CPLANE1: variants seen among roughly 807,000 people sequenced by gnomAD.
CPLANE1 encodes the protein ciliogenesis and planar polarity effector complex subunit 1.
In CPLANE1, 263 loss-of-function variants were observed where a neutral mutation model predicts 362.5. The ratio of observed to expected loss-of-function variants is 0.73; its 90% CI spans 0.66 to 0.80. The LOEUF (loss-of-function observed/expected upper bound fraction) is 0.80. CPLANE1 is among the 30% of genes least tolerant of loss of function. The pLI is 0.00. For missense variants in CPLANE1, 3,461 were observed against 3,793.4 expected, an observed-to-expected ratio of 0.91 and a Z score of 2.30; for synonymous variants, 1,212 against 1,302.6, an observed-to-expected ratio of 0.93 and a Z score of 1.50.
chr5:37,111,893 TA>T (rs3065142), intron 51 of CPLANE1, among the ~76,000 whole-genome samples: 26 of 147,252 alleles, frequency 1.8e-4, no homozygotes, highest in East Asian at 5.9e-4. Flanking sequence ...AACACTGTGT[TA>T]AAAAAAAAAC....
rs773334104 is a variant in CPLANE1, at chr5:37,157,276, T to C, written c.8119+37A>G. 4.9e-6 allele frequency: 6 copies of C among 1,221,360 alleles called. No individual in the cohort carries two copies. The South Asian group carries it at 7.3e-5, about 15-fold the overall frequency. 75.7% of individuals were successfully genotyped at this position (1,221,360 alleles called of 1,614,324 possible). ...TGCTTGTTTCCAATACAACAGTAATTCAGGAGAGGGTCATGCTATACCTCT... is the reference window on the plus strand; with the variant it reads ...TGCTTGTTTCCAATACAACAGTAATCCAGGAGAGGGTCATGCTATACCTCT... On this transcript the variant is annotated intron_variant, in intron 41 of 52. Transcript: ENST00000651892.
In CPLANE1 at chr5:37,182,808, CA is replaced by C. The variant is rs768939311; in HGVS notation, c.5372del (p.Leu1791TrpfsTer19). On this transcript the variant is annotated frameshift_variant, in exon 26 of 53. Transcript: ENST00000651892. Reference sequence around the variant, plus strand: ...TATATGTAGCAAAATAGGGTTGTTCCAAAAGCCATAATGATGTAAGAATGGC... The same window carrying C: ...TATATGTAGCAAAATAGGGTTGTTCCAAAGCCATAATGATGTAAGAATGGC... ...TAAILTSLWL[L>X]EQPYFATYKA... 1 of 1,613,410 alleles carries C rather than the reference CA, an allele frequency of 6.2e-7. No homozygotes were observed. Among genetic ancestry groups the C allele is most frequent in the Admixed American group, 1.7e-5 (1 of 59,890 alleles).
At chr5:37,164,767 T>C (rs1393776009) in intron 36 of CPLANE1, among the ~76,000 whole-genome samples, 1 of 152,230 alleles carries the variant, frequency 6.6e-6, no homozygotes, top group Non-Finnish European at 1.5e-5. Context: ...AATCTGTTGT[T>C]GCAAAAATAG....
chr5:37,183,238 G>C lies in CPLANE1; in HGVS notation c.4943C>G (p.Ser1648Ter), dbSNP rs1783147492. The C allele has an allele frequency of 6.2e-7, 1 of 1,612,116 alleles. No individual in the cohort carries two copies. Among genetic ancestry groups the C allele is most frequent in the Non-Finnish European group, 8.5e-7 (1 of 1,179,384 alleles). ...YGMHLENQKL[S>*]SSVLVNQGIK... ...CCCTTGATTAACCAGTACTGATGATGAAAGTTTCTGGTTTTCTAAATGCAT... is the reference window on the plus strand; with the variant it reads ...CCCTTGATTAACCAGTACTGATGATCAAAGTTTCTGGTTTTCTAAATGCAT... Residue 1648 changes from serine (S) to a stop codon, truncating the protein, a stop_gained, in exon 26 of 53, where the codon TCA becomes TGA. Coordinates refer to ENST00000651892, the MANE Select transcript of CPLANE1 (RefSeq NM_001384732.1). LOFTEE classifies it high-confidence loss of function.
In CPLANE1 at chr5:37,153,860, TA is replaced by T. The variant is rs1449623264; in HGVS notation, c.8252del (p.Leu2751GlnfsTer16). The T allele has an allele frequency of 6.2e-7, 1 of 1,614,016 alleles. No individual in the cohort carries two copies. The highest frequency in any genetic ancestry group is 2.2e-5 in the East Asian group (1 of 44,896). The part of the protein sequence containing the change: ...CPAPSSAAHQ[L>X]EHLSAKLQKI... ...TCTGAAGCTTAGCACTGAGATGCTC[TA>T]GTTGGTGAGCTGCAGAGCTTGGTGC... On this transcript the variant is annotated frameshift_variant, in exon 42 of 53. Transcript: ENST00000651892. LOFTEE classifies it high-confidence loss of function.
intron 44 of CPLANE1, chr5:37,142,101 T>G: frequency 9.5e-7 from 1 of 1,050,604 alleles, no homozygotes; most frequent in Non-Finnish European, 1.2e-6. Context: ...CACCAAGATA[T>G]GATACATAAT....
chr5:37,243,853 A>G (rs1204044969), intron 5 of CPLANE1, among the ~76,000 whole-genome samples: 2 of 138,802 alleles, frequency 1.4e-5, no homozygotes, highest in Non-Finnish European at 3.0e-5. Flanking sequence ...ATTATATATT[A>G]TACTTTTTTT....
At chr5:37,236,113 G>A (rs915417474) in intron 8 of CPLANE1, among the ~76,000 whole-genome samples, 2 of 152,028 alleles carry the variant, frequency 1.3e-5, no homozygotes, top group African/African-American at 4.8e-5. Flanking sequence ...GAACTCAGGT[G>A]ATCCACCCAC....
intron 46 of CPLANE1, among the ~76,000 whole-genome samples, chr5:37,136,152 C>T (rs1226058483): frequency 2.6e-5 from 4 of 152,144 alleles, no homozygotes; most frequent in African/African-American, 9.7e-5. Context: ...CAAGACCCTC[C>T]TGCCTGTAAA....
At chr5:37,088,082 G>C in the CPLANE1 span, among the ~76,000 whole-genome samples, 16,264 of 152,234 alleles carry the variant, frequency 0.11, 1,139 homozygotes, top group Admixed American at 0.19. Flanking sequence ...AAGTGTCTTT[G>C]TGTGCTCTCA....
At chr5:37,205,502 A>C in intron 17 of CPLANE1, 48 bp from the exon 18 acceptor site, 1 of 1,379,206 alleles carries the variant, frequency 7.3e-7, no homozygotes, top group Non-Finnish European at 9.8e-7. Flanking sequence ...TTTGAAAAAA[A>C]AGGAAAGGTT....
chr5:37,098,923 C>CA, the CPLANE1 span, among the ~76,000 whole-genome samples: 5,426 of 52,012 alleles, frequency 0.1, 246 homozygotes, highest in African/African-American at 0.18. Context: ...ATGCCTACAT[C>CA]AAAAAAAAAA....
chr5:37,118,728 T>C (rs1414602881), intron 50 of CPLANE1, among the ~76,000 whole-genome samples: 1 of 151,658 alleles, frequency 6.6e-6, no homozygotes, highest in East Asian at 1.9e-4. Context: ...CTTTTTTTTT[T>C]TTTTCAGACA....
At chr5:37,075,801 G>A in the CPLANE1 span, among the ~76,000 whole-genome samples, 1 of 152,108 alleles carries the variant, frequency 6.6e-6, no homozygotes, top group Non-Finnish European at 1.5e-5. Flanking sequence ...CTGCTGGGTC[G>A]AGTATTTGGC....
chr5:37,185,787 TAAA>T (rs1310166071), intron 24 of CPLANE1, among the ~76,000 whole-genome samples: 1 of 152,224 alleles, frequency 6.6e-6, no homozygotes, highest in Non-Finnish European at 1.5e-5. Context: ...TTTAAATGGC[TAAA>T]ATGGTAAATT....
At chr5:37,123,958 C>CACAG (rs1323743037) in intron 47 of CPLANE1, among the ~76,000 whole-genome samples, 1 of 151,772 alleles carries the variant, frequency 6.6e-6, no homozygotes. Context: ...CACACACACA[C>CACAG]ACACACAGTC....
rs1311058093 is a variant in CPLANE1, at chr5:37,106,576, T to TA, written c.*1025dup. 2.3e-6 allele frequency: 1 copy of TA among 435,498 alleles called. No individual in the cohort carries two copies. The highest frequency in any genetic ancestry group is 1.5e-4 in the East Asian group (1 of 6,468). The allele number at this position is 435,498 out of a possible 1,614,324, so 27.0% of individuals were successfully genotyped here. On this transcript the variant is annotated 3_prime_UTR_variant, in exon 53 of 53. Coordinates refer to ENST00000651892, the MANE Select transcript of CPLANE1 (RefSeq NM_001384732.1). ...ATGACAATTAACAATAATGTTAGCC[T>TA]ATAAAGCTATTTTCTAAAACAATTT...
rs974974781 is a variant in CPLANE1, at chr5:37,243,037, T to C, written c.653A>G (p.His218Arg). The C allele has an allele frequency of 7.8e-6, 12 of 1,545,422 alleles. No individual in the cohort carries two copies. Among genetic ancestry groups the C allele is most frequent in the Non-Finnish European group, 1.0e-5 (12 of 1,144,112 alleles). Residue 218 changes from histidine (H) to arginine (R), a missense_variant, in exon 6 of 53, where the codon CAT becomes CGT. Coordinates refer to ENST00000651892, the MANE Select transcript of CPLANE1 (RefSeq NM_001384732.1). ...LKLTFLAIRW[H>R]ENVFTSVRSL... ...CCTTACAGATGTAAATACATTCTCA[T>C]GCCACCGAATTGCTAGAAATGTTAA... is the stretch of plus-strand genomic sequence containing the variant.
downstream of CPLANE1, among the ~76,000 whole-genome samples, chr5:37,104,947 T>TA (rs1392962567): frequency 1.3e-5 from 2 of 151,942 alleles, no homozygotes; most frequent in Middle Eastern, 3.2e-3. Flanking sequence ...AGTACACAGT[T>TA]ACAAAAACAA....
Sources: gnomAD v4.1 joint callset for allele counts (sites outside exome capture counted in the v4.1 genomes callset) on GRCh38, gnomAD v4.1.1 for gene constraint, MANE v1.5 for transcripts, NCBI Gene and HGNC (gene_info 2026-07-23, HGNC 2026-07-21) for gene names.